The following FGGY variants were observed in gnomAD, a reference collection of about 807,000 sequenced individuals.
FGGY encodes the protein FGGY carbohydrate kinase domain-containing protein.
Under a neutral mutation model 71.3 loss-of-function variants are expected in FGGY, and 72 were observed. That is an observed-to-expected ratio of 1.01 (90% confidence interval 0.84 to 1.23). The LOEUF is 1.23. Ranked by LOEUF, FGGY falls within the 50% of genes most tolerant of loss-of-function variation. FGGY has a pLI of 0.00. For missense variants in FGGY, 668 were observed against 682.3 expected (o/e 0.98, Z 0.23); for synonymous variants, 251 against 250.3 (o/e 1.00, Z -0.02).
chr1:59,690,271 T>C (rs909772022), intron 14 of FGGY, among the ~76,000 whole-genome samples: 1 of 152,114 alleles, frequency 6.6e-6, no homozygotes, highest in Non-Finnish European at 1.5e-5. Context: ...CCAGCTGCCA[T>C]TTAAGCACTT....
chr1:59,372,784 T>G (rs937531595), intron 4 of FGGY, among the ~76,000 whole-genome samples: 4 of 152,112 alleles, frequency 2.6e-5, no homozygotes, highest in Non-Finnish European at 5.9e-5. Flanking sequence ...TAATCCAGCA[T>G]ATAAACAGAA....
At chr1:59,600,644 A>G (rs1038634713) in intron 8 of FGGY, among the ~76,000 whole-genome samples, 1 of 152,228 alleles carries the variant, frequency 6.6e-6, no homozygotes, top group Admixed American at 6.5e-5. Context: ...TCTGTGGCTT[A>G]ACATGCCTTG....
chr1:59,757,835 G>T, intron 14 of FGGY, 96 bp from the exon 15 acceptor site: 1 of 792,126 alleles, frequency 1.3e-6, no homozygotes, highest in Non-Finnish European at 2.1e-6. Flanking sequence ...TATCTTAAAG[G>T]GAAGCAAATT....
At chr1:59,532,407 AG>A (rs1000840587) in intron 7 of FGGY, among the ~76,000 whole-genome samples, 1 of 152,208 alleles carries the variant, frequency 6.6e-6, no homozygotes, top group Non-Finnish European at 1.5e-5. Context: ...TTGGAGTCCA[AG>A]AATGAGAGAA....
rs556603833 is a variant in FGGY at position 59,315,954 on chromosome 1, T to C, written c.-14-5582T>C. Among the ~76,000 whole-genome samples the C allele has an allele frequency of 2.0e-5, 3 of 152,356 alleles. No individual in the cohort carries two copies. In the East Asian group the frequency reaches 5.8e-4, roughly 29 times the overall value. On this transcript the variant is annotated intron_variant, in intron 1 of 15. Transcript: ENST00000303721. ...TTTTGGTTAGCAAGCTGGTCTTTTC[T>C]TCCTATTTATTGTTGGTAGAGCCCA... is the stretch of plus-strand genomic sequence containing the variant.
rs147906047 is a variant in FGGY, at chr1:59,327,013, G to A, written c.201+5263G>A. On this transcript the variant is annotated intron_variant, in intron 2 of 15. Coordinates refer to ENST00000303721, the MANE Select transcript of FGGY (RefSeq NM_018291.5). The stretch of plus-strand genomic sequence containing the variant: ...GTTAATGATCATCGAAGCCTGCAGT[G>A]AGTTGTAGTCTTTTTCCTGGTGGAG... Among the ~76,000 whole-genome samples, 70 of 152,360 alleles carry A rather than the reference G, an allele frequency of 4.6e-4. No individual in the cohort carries two copies. In the South Asian group the frequency reaches 6.4e-3, roughly 14 times the overall value.
At chr1:59,313,169 G>A (rs1186276350) in intron 1 of FGGY, among the ~76,000 whole-genome samples, 1 of 152,006 alleles carries the variant, frequency 6.6e-6, no homozygotes, top group Non-Finnish European at 1.5e-5. Flanking sequence ...AGTCTTCCTT[G>A]GGCCTCTTTT....
intron 11 of FGGY, among the ~76,000 whole-genome samples, chr1:59,649,146 A>C (rs1338346896): frequency 6.6e-6 from 1 of 151,576 alleles, no homozygotes. Flanking sequence ...TGTTTTGGTT[A>C]CTGTAGCCTT....
intron 6 of FGGY, among the ~76,000 whole-genome samples, chr1:59,502,574 A>G (rs537521919): frequency 2.2e-4 from 33 of 152,102 alleles, no homozygotes; most frequent in African/African-American, 6.5e-4. Context: ...ATTTTTGCCA[A>G]CTCCCTTGTT....
chr1:59,611,039 C>A (rs963757171), intron 9 of FGGY, among the ~76,000 whole-genome samples: 1 of 152,222 alleles, frequency 6.6e-6, no homozygotes, highest in Non-Finnish European at 1.5e-5. Context: ...TGGAGCCCAC[C>A]TCAGCTCAAG....
intron 5 of FGGY, among the ~76,000 whole-genome samples, chr1:59,423,838 A>G (rs2065869521): frequency 6.6e-6 from 1 of 152,150 alleles, no homozygotes; most frequent in South Asian, 2.1e-4. Context: ...CTGCCTGGCA[A>G]ACTCCTATGC....
intron 5 of FGGY, among the ~76,000 whole-genome samples, chr1:59,393,465 C>A (rs1022682533): frequency 5.9e-5 from 9 of 152,292 alleles, no homozygotes; most frequent in African/African-American, 2.2e-4. Flanking sequence ...GATAAGCAAG[C>A]CTCACTACAA....
chr1:59,384,737 T>C (rs1461648406), intron 5 of FGGY, among the ~76,000 whole-genome samples: 1 of 152,148 alleles, frequency 6.6e-6, no homozygotes, highest in African/African-American at 2.4e-5. Context: ...TCCTCATCCA[T>C]AAGCCCTCTC....
intron 5 of FGGY, among the ~76,000 whole-genome samples, chr1:59,396,176 G>T (rs893367551): frequency 1.4e-4 from 22 of 152,150 alleles, no homozygotes; most frequent in Non-Finnish European, 2.9e-4. Context: ...TAAAGTTTGA[G>T]AACCACTGGC....
chr1:59,297,561 G>A (rs1414644563), intron 1 of FGGY, among the ~76,000 whole-genome samples: 1 of 152,150 alleles, frequency 6.6e-6, no homozygotes, highest in African/African-American at 2.4e-5. Context: ...GGTGGCTCAC[G>A]CCTGTAATCC....
At chr1:59,413,107 T>C (rs1445359506) in intron 5 of FGGY, among the ~76,000 whole-genome samples, 1 of 152,360 alleles carries the variant, frequency 6.6e-6, no homozygotes, top group Non-Finnish European at 1.5e-5. Flanking sequence ...GGCAGATTTC[T>C]ATCCTTAGCT....
intron 5 of FGGY, among the ~76,000 whole-genome samples, chr1:59,447,681 G>T (rs919006132): frequency 2.0e-5 from 3 of 152,114 alleles, no homozygotes; most frequent in African/African-American, 7.2e-5. Flanking sequence ...GTTTTATAAG[G>T]GGGAAACCCC....
intron 3 of FGGY, 137 bp from the exon 4 acceptor site, chr1:59,346,110 C>A: frequency 8.8e-7 from 1 of 1,137,888 alleles, no homozygotes; most frequent in Non-Finnish European, 1.2e-6. Context: ...TGCTGGTGTC[C>A]TTTCATTTTG....
chr1:59,558,319 A>G (rs767186971), intron 8 of FGGY, among the ~76,000 whole-genome samples: 8 of 152,174 alleles, frequency 5.3e-5, no homozygotes, highest in Admixed American at 2.6e-4. Flanking sequence ...CCCACCCCCA[A>G]TATTTCAACG....
Sources: gnomAD v4.1 joint callset for allele counts (sites outside exome capture counted in the v4.1 genomes callset) on GRCh38, gnomAD v4.1.1 for gene constraint, MANE v1.5 for transcripts, NCBI Gene and HGNC (gene_info 2026-07-23, HGNC 2026-07-21) for gene names.